The following TMPRSS9 variants were observed in gnomAD, a reference collection of about 807,000 sequenced individuals.
The protein encoded by TMPRSS9 is transmembrane protease serine 9.
TMPRSS9 carries 113 observed loss-of-function variants against 111.4 expected under a neutral mutation model. That is an observed-to-expected ratio of 1.01 (90% CI 0.87 to 1.19). The LOEUF (loss-of-function observed/expected upper bound fraction) is 1.19. Among genes scored for constraint, TMPRSS9 ranks in the 50% most tolerant of loss-of-function variants. The probability of loss-of-function intolerance (pLI) is 0.00; values close to 1 mark genes in which losing one functional copy is unlikely to be tolerated. For synonymous variants in TMPRSS9, 805 were observed against 659.1 expected, an observed-to-expected ratio of 1.22 and a Z score of -3.39; for missense variants, 1,803 against 1,513.1, an observed-to-expected ratio of 1.19 and a Z score of -3.18.
intron 1 of TMPRSS9, among the ~76,000 whole-genome samples, chr19:2,362,233 T>C (rs1970206322): frequency 6.6e-6 from 1 of 151,954 alleles, no homozygotes; most frequent in African/African-American, 2.4e-5. Flanking sequence ...TGGGATCGTA[T>C]ATGGTTGTGT....
rs1291111236 is a variant in TMPRSS9 at position 2,425,914 on chromosome 19, C to T, written c.3121-13C>T. 2.5e-6 allele frequency: 4 copies of T among 1,576,704 alleles called. No individual in the cohort carries two copies. The highest frequency in any genetic ancestry group is 1.4e-5 in the African/African-American group (1 of 72,390). The stretch of plus-strand genomic sequence containing the variant: ...TACCGGCCTCTGAACCCCCTTTCTT[C>T]TCTCCCCAACAGGGTGACGCTGGGG... On this transcript the variant is annotated splice_polypyrimidine_tract_variant and intron_variant, in intron 17 of 17. Transcript: ENST00000648592.
intron 2 of TMPRSS9, among the ~76,000 whole-genome samples, chr19:2,396,913 G>GT (rs772988224): frequency 0.017 from 2,505 of 146,176 alleles, 60 homozygotes; most frequent in African/African-American, 0.053. Flanking sequence ...ACATTTAGAG[G>GT]TTTTTTTTTT....
chr19:2,382,812 T>C (rs1008275781), intron 1 of TMPRSS9, among the ~76,000 whole-genome samples: 1 of 152,006 alleles, frequency 6.6e-6, no homozygotes, highest in Admixed American at 6.6e-5. Flanking sequence ...CTCACACATG[T>C]ACACACACAC....
At chr19:2,413,314 A>G (rs1971138060) in intron 9 of TMPRSS9, among the ~76,000 whole-genome samples, 1 of 152,146 alleles carries the variant, frequency 6.6e-6, no homozygotes, top group African/African-American at 2.4e-5. Flanking sequence ...TTTGGGAGCA[A>G]TGCTGCAGCT....
At chr19:2,417,190 A>G (rs1971261639) in intron 12 of TMPRSS9, among the ~76,000 whole-genome samples, 1 of 152,224 alleles carries the variant, frequency 6.6e-6, no homozygotes, top group East Asian at 1.9e-4. Context: ...CGGCGGCCAC[A>G]TGTGGTGGCT....
chr19:2,418,301 C>CTT (rs1391106373), intron 13 of TMPRSS9, among the ~76,000 whole-genome samples, 163 bp downstream of exon 14: 246 of 68,632 alleles, frequency 3.6e-3, no homozygotes, highest in Admixed American at 5.9e-3. Flanking sequence ...CTTTCCTTCC[C>CTT]TCCCTTTCCC....
chr19:2,420,273 T>C (rs1042472821), intron 13 of TMPRSS9, among the ~76,000 whole-genome samples: 6 of 152,022 alleles, frequency 3.9e-5, no homozygotes, highest in Admixed American at 2.6e-4. Context: ...ACCCTGTCTC[T>C]ACTAAAAAAC....
At chr19:2,363,803 T>TGTGTGTGCGC (rs1432791076) in intron 1 of TMPRSS9, among the ~76,000 whole-genome samples, 1 of 116,572 alleles carries the variant, frequency 8.6e-6, no homozygotes, top group Non-Finnish European at 1.7e-5. Flanking sequence ...TGTGTGTGTG[T>TGTGTGTGCGC]GCGTGCGCGC....
exon 13 of TMPRSS9, chr19:2,418,054 A>T (rs761163059): frequency 6.2e-7 from 1 of 1,612,328 alleles, no homozygotes; most frequent in East Asian, 2.2e-5. Flanking sequence ...TAGACCAGAA[A>T]ACCTGTAGTG....
At chr19:2,361,464 T>A (rs1182625704) in intron 1 of TMPRSS9, among the ~76,000 whole-genome samples, 1 of 151,904 alleles carries the variant, frequency 6.6e-6, no homozygotes. Flanking sequence ...TCGGAGCCGC[T>A]TCTGAGTAAA....
At chr19:2,407,612 T>TCTTTTCTTTC (rs5826765) in intron 7 of TMPRSS9, among the ~76,000 whole-genome samples, 35 of 117,240 alleles carry the variant, frequency 3.0e-4, no homozygotes, top group East Asian at 2.5e-4. Flanking sequence ...TCTTTTCTTT[T>TCTTTTCTTTC]TTTTTTTTTT....
At chr19:2,417,128 C>G (rs1169361170) in intron 12 of TMPRSS9, among the ~76,000 whole-genome samples, 1 of 152,108 alleles carries the variant, frequency 6.6e-6, no homozygotes, top group Non-Finnish European at 1.5e-5. Flanking sequence ...CAGAGACTGG[C>G]CCTTAAAGCT....
In TMPRSS9 at chr19:2,369,929, C is replaced by T. The variant is rs35835610; in HGVS notation, c.-26+9569C>T. On this transcript the variant is annotated intron_variant, in intron 1 of 17. Transcript: ENST00000649857. ...CATCAGAAACTCAACTGGGGATGCC[C>T]AAATGCAGTGGCTCATGCCTGTAAT... Among the ~76,000 whole-genome samples, 557 of 152,136 alleles carry T rather than the reference C, an allele frequency of 3.7e-3. 3 individuals are homozygous for T. The highest frequency in any genetic ancestry group is 9.0e-3 in the Admixed American group (138 of 15,270).
exon 7 of TMPRSS9, chr19:2,405,520 G>A: frequency 6.3e-7 from 1 of 1,594,918 alleles, no homozygotes; most frequent in Non-Finnish European, 8.5e-7. Flanking sequence ...CAGGTGGCTG[G>A]TGTCTGCTGC....
intron 14 of TMPRSS9, among the ~76,000 whole-genome samples, chr19:2,422,948 T>C (rs1971499498): frequency 6.6e-6 from 1 of 151,114 alleles, no homozygotes. Flanking sequence ...TTCCAGCTAC[T>C]GGGGAGGCTG....
intron 1 of TMPRSS9, among the ~76,000 whole-genome samples, chr19:2,374,518 G>A (rs1007301793): frequency 1.3e-5 from 2 of 151,902 alleles, no homozygotes; most frequent in Non-Finnish European, 2.9e-5. Context: ...AGGTTGCAGT[G>A]AGCCGAGATC....
intron 5 of TMPRSS9, among the ~76,000 whole-genome samples, 153 bp from the exon 7 acceptor site, chr19:2,402,929 C>G (rs868643410): frequency 2.0e-5 from 3 of 151,970 alleles, no homozygotes; most frequent in Non-Finnish European, 4.4e-5. Flanking sequence ...GACCCTGTCT[C>G]AAAAACAAAA....
chr19:2,415,600 A>T lies in TMPRSS9; in HGVS notation c.1574-70A>T, dbSNP rs879579886. The T allele has an allele frequency of 6.1e-5, 84 of 1,374,146 alleles. 2 individuals carry two copies. In the Admixed American group the frequency reaches 2.3e-3, roughly 38 times the overall value. 85.1% of individuals were successfully genotyped at this position (1,374,146 alleles called of 1,614,324 possible). A position where few individuals can be genotyped will look rare whatever the true frequency, so the allele number is the denominator to read the frequency against. ...GCCTGGCTGCAACCGGTGTCCTGGG[A>T]CCACCCCACCGGATGCTCCCACCCG... On this transcript the variant is annotated intron_variant, in intron 10 of 17. Transcript: ENST00000648592.
chr19:2,381,138 C>A (rs1057483895), intron 1 of TMPRSS9, among the ~76,000 whole-genome samples: 11 of 151,998 alleles, frequency 7.2e-5, no homozygotes, highest in Admixed American at 5.3e-4. Flanking sequence ...CTGTCTCATT[C>A]AGGGTTCGAC....
Sources: gnomAD v4.1 joint callset for allele counts (sites outside exome capture counted in the v4.1 genomes callset) on GRCh38, gnomAD v4.1.1 for gene constraint, MANE v1.5 for transcripts, NCBI Gene and HGNC (gene_info 2026-07-23, HGNC 2026-07-21) for gene names.